The following RPGR variants were observed in gnomAD, a reference collection of about 807,000 sequenced individuals.
RPGR encodes the protein X-linked retinitis pigmentosa GTPase regulator.
In RPGR, 10 loss-of-function variants were observed where a neutral mutation model predicts 56.3. That is an observed-to-expected ratio of 0.18 (90% CI 0.11 to 0.30). RPGR has a LOEUF of 0.30. Ranked by LOEUF, RPGR falls within the 10% of genes least tolerant of loss-of-function variation. The probability of loss-of-function intolerance (pLI) is 1.00; values close to 1 mark genes in which losing one functional copy is unlikely to be tolerated. For missense variants in RPGR, 538 were observed against 590.9 expected (o/e 0.91, Z 0.93); for synonymous variants, 197 against 212.9 (o/e 0.93, Z 0.65).
chrX:38,277,125 A>G (rs1260095500), intron 15 of RPGR, among the ~76,000 whole-genome samples: 2 of 112,448 alleles, frequency 1.8e-5, no homozygotes, highest in Admixed American at 9.5e-5. Flanking sequence ...CTGTAGCATT[A>G]TAACATAATC....
chrX:38,283,720 C>T (rs1384862348), intron 15 of RPGR, among the ~76,000 whole-genome samples: 2 of 111,810 alleles, frequency 1.8e-5, no homozygotes, highest in African/African-American at 3.2e-5. Context: ...TATTTTAGAA[C>T]GTTGTTTCTG....
At chrX:38,323,686 T>C (rs1239075594) in intron 1 of RPGR, among the ~76,000 whole-genome samples, 162 bp from the exon 2 acceptor site, 1 of 112,320 alleles carries the variant, frequency 8.9e-6, no homozygotes, top group Non-Finnish European at 1.9e-5. Context: ...ATTCAGTCTT[T>C]CTTATTCCTC....
rs200211905 is a variant in RPGR at position 38,285,880 on chromosome X, TCTC to T, written c.1905+1211_1905+1213del. ...CTTTTCCCTTTCTTCTCCTTCCTCCTCTCCTTCCTCTTCCTCTCCTTCCCCCTC... is the reference window on the plus strand; with the variant it reads ...CTTTTCCCTTTCTTCTCCTTCCTCCTCTTCCTCTTCCTCTCCTTCCCCCTC... On this transcript the variant is annotated intron_variant, in intron 15 of 18. Coordinates refer to ENST00000642395, the MANE Select transcript of RPGR (RefSeq NM_000328.3). 3.7e-3 allele frequency: 4,450 copies of T among 1,187,525 alleles called. 204 individuals are homozygous for T. The Admixed American group carries it at 0.097, about 26-fold the overall frequency.
Position 38,276,457 on chromosome X carries a change from A to AATTCATGT in RPGR, c.2091+122_2091+129dup, listed in dbSNP as rs59767997. ...CAAAGCCTTTCTCTTATGGCACATG[A>AATTCATGT]ATTCATGTATTCATGTATTCATGGG... On this transcript the variant is annotated intron_variant, in intron 16 of 18. Coordinates refer to ENST00000642395, the MANE Select transcript of RPGR (RefSeq NM_000328.3). The AATTCATGT allele has an allele frequency of 0.065, 41,836 of 638,895 alleles. 2,711 individuals are homozygous for AATTCATGT. Among genetic ancestry groups the AATTCATGT allele is most frequent in the African/African-American group, 0.3 (13,035 of 43,553 alleles). The allele number at this position is 638,895 out of a possible 1,213,427, so 52.7% of individuals were successfully genotyped here. A position where few individuals can be genotyped will look rare whatever the true frequency, so the allele number is the denominator to read the frequency against.
Position 38,322,870 on chromosome X carries a change from T to C in RPGR, c.230A>G (p.Lys77Arg). ...TCCCAAACCTTTGACACATGTTGGC[T>C]TGCTGATGGCTGACTTTGATCCTAA... is the stretch of plus-strand genomic sequence containing the variant. The change falls in exon 3 of 19, where the codon AAG (lysine) becomes AGG (arginine). Residue 77 changes from lysine (K) to arginine (R), a missense_variant. By Grantham distance (26) the Lys-to-Arg change is conservative. Coordinates refer to ENST00000642395, the MANE Select transcript of RPGR (RefSeq NM_000328.3). The C allele has an allele frequency of 8.3e-7, 1 of 1,209,870 alleles. No individual in the cohort carries two copies. Among genetic ancestry groups the C allele is most frequent in the Non-Finnish European group, 1.1e-6 (1 of 893,587 alleles).
intron 15 of RPGR, chrX:38,279,167 C>G (rs760205813): frequency 1.5e-5 from 5 of 331,189 alleles, no homozygotes; most frequent in Non-Finnish European, 2.9e-5. Context: ...AAGCACTTAC[C>G]TTTTAAACTG....
intron 11 of RPGR, among the ~76,000 whole-genome samples, chrX:38,293,717 A>G (rs932874455): frequency 8.9e-6 from 1 of 111,876 alleles, no homozygotes; most frequent in Non-Finnish European, 1.9e-5. Flanking sequence ...CTTCTCACCA[A>G]CAAACATACA....
intron 8 of RPGR, among the ~76,000 whole-genome samples, chrX:38,304,201 T>C (rs1053758531): frequency 8.1e-5 from 9 of 111,749 alleles, no homozygotes; most frequent in African/African-American, 2.9e-4. Flanking sequence ...TGAAAACGCC[T>C]CCAGGTGGCA....
chrX:38,295,362 T>C (rs965541145), intron 11 of RPGR, among the ~76,000 whole-genome samples: 7 of 112,375 alleles, frequency 6.2e-5, no homozygotes, highest in African/African-American at 1.9e-4. Flanking sequence ...TTAGAAAAAG[T>C]TAAAGTATAT....
chrX:38,301,263 C>T lies in RPGR; in HGVS notation c.1043G>A (p.Arg348Lys). ...TGCCCTTACCAATTTAACTATAAAC[C>T]TCAAAAAATTAGAGCACAAAGTAGG... The change falls in exon 9 of 19, where the codon AGG (arginine) becomes AAG (lysine). Residue 348 changes from arginine to lysine, a missense_variant. Physicochemically the swap from Arg to Lys is conservative, Grantham distance 26 (BLOSUM62 2). This residue lies in a region of RPGR where 181 missense variants were observed against 265.1 expected (regional missense o/e 0.68). Transcript: ENST00000642395. 8.3e-7 allele frequency: 1 copy of T among 1,202,521 alleles called. No individual in the cohort carries two copies. The highest frequency in any genetic ancestry group is 1.1e-6 in the Non-Finnish European group (1 of 888,195).
chrX:38,323,616 T>C (rs1331489373), intron 1 of RPGR, 92 bp from the exon 2 acceptor site: 1 of 998,540 alleles, frequency 1.0e-6, no homozygotes, highest in East Asian at 3.2e-5. Flanking sequence ...ACAAACCCCT[T>C]GTCTCATGAC....
intron 5 of RPGR, 79 bp from the exon 6 acceptor site, chrX:38,317,544 A>G (rs190166154): frequency 2.3e-6 from 2 of 851,422 alleles, no homozygotes; most frequent in East Asian, 6.8e-5. Context: ...CCAAAAGACC[A>G]TTTATTTTAT....
intron 7 of RPGR, among the ~76,000 whole-genome samples, chrX:38,305,285 G>C (rs2067574726): frequency 9.0e-6 from 1 of 111,323 alleles, no homozygotes; most frequent in South Asian, 3.7e-4. Context: ...ATGATGGCAT[G>C]CATCTGTAAT....
intron 1 of RPGR, among the ~76,000 whole-genome samples, chrX:38,324,744 G>A (rs1200540799): frequency 9.7e-6 from 1 of 103,345 alleles, no homozygotes; most frequent in Non-Finnish European, 2.0e-5. Flanking sequence ...GCAAATAATT[G>A]TGCTACCTAG....
At chrX:38,287,458 C>T (rs1043837224) in intron 14 of RPGR, 1 of 570,200 alleles carries the variant, frequency 1.8e-6, no homozygotes, top group East Asian at 3.4e-5. Flanking sequence ...CTCACTTGCA[C>T]CTTCCATGTA....
chrX:38,324,554 T>C (rs147974229), intron 1 of RPGR, among the ~76,000 whole-genome samples: 15 of 108,854 alleles, frequency 1.4e-4, no homozygotes, highest in Admixed American at 5.9e-4. Context: ...TTAAAGGCAA[T>C]TAGGTATTCA....
At chrX:38,269,887 T>G in intron 18 of RPGR, 3 of 882,425 alleles carry the variant, frequency 3.4e-6, no homozygotes, top group Non-Finnish European at 4.9e-6. Flanking sequence ...AACATTCACT[T>G]AACAGTATTT....
In RPGR at chrX:38,269,631, G is replaced by A; in HGVS notation, c.2443C>T (p.Leu815=). 8.6e-7 allele frequency: 1 copy of A among 1,156,630 alleles called. No homozygotes were observed. Among genetic ancestry groups the A allele is most frequent in the South Asian group, 1.8e-5 (1 of 55,645 alleles). ...GTGAAAACATAAATATATATTTATA[G>A]TATTGTACAGGATTTTGATCTTCTC... Residue 815 remains leucine, a synonymous_variant, in exon 19 of 19, where the codon CTA becomes TTA. Transcript: ENST00000642395.
At chrX:38,278,904 C>T (rs1251780224) in intron 15 of RPGR, among the ~76,000 whole-genome samples, 1 of 111,812 alleles carries the variant, frequency 8.9e-6, no homozygotes, top group African/African-American at 3.3e-5. Flanking sequence ...TAATGTCATG[C>T]TATTATAAAA....
Sources: gnomAD v4.1 joint callset for allele counts (sites outside exome capture counted in the v4.1 genomes callset) on GRCh38, gnomAD v4.1.1 for gene constraint, gnomAD v4.1.1 regional missense constraint, MANE v1.5 for transcripts, NCBI Gene and HGNC (gene_info 2026-07-23, HGNC 2026-07-21) for gene names.